IL1RAPL1: variants seen among roughly 807,000 people sequenced by gnomAD.
The protein encoded by IL1RAPL1 is interleukin-1 receptor accessory protein-like 1.
IL1RAPL1 carries 3 observed loss-of-function variants against 48.4 expected under a neutral mutation model. The observed-to-expected ratio is 0.06, with a 90% CI of 0.03 to 0.16. The LOEUF (loss-of-function observed/expected upper bound fraction) is 0.16, where lower values mean the gene tolerates loss of function less well. IL1RAPL1 is among the 10% of genes least tolerant of loss of function. The pLI is 1.00. For synonymous variants in IL1RAPL1, 185 were observed against 187.7 expected (o/e 0.99, Z 0.12); for missense variants, 349 against 530.6 (o/e 0.66, Z 3.36).
intron 2 of IL1RAPL1, among the ~76,000 whole-genome samples, chrX:29,071,671 A>G: frequency 9.0e-6 from 1 of 111,402 alleles, no homozygotes; most frequent in Non-Finnish European, 1.9e-5. Context: ...TAGCACAGAG[A>G]AGGAAAGTGT....
chrX:29,093,337 G>C (rs370657718), intron 2 of IL1RAPL1, among the ~76,000 whole-genome samples: 14 of 110,191 alleles, frequency 1.3e-4, no homozygotes, highest in African/African-American at 4.3e-4. Flanking sequence ...GCAGGAGGAG[G>C]GGGGTGGGAG....
intron 5 of IL1RAPL1, among the ~76,000 whole-genome samples, chrX:29,479,063 T>C (rs1051470087): frequency 1.8e-5 from 2 of 109,278 alleles, no homozygotes; most frequent in African/African-American, 6.7e-5. Context: ...CTCTCACTAA[T>C]GCATTCCTAG....
chrX:28,675,610 A>T (rs914803216), intron 1 of IL1RAPL1, among the ~76,000 whole-genome samples: 8 of 112,168 alleles, frequency 7.1e-5, no homozygotes, highest in African/African-American at 9.7e-5. Context: ...TACATTACAT[A>T]AAGCATAATA....
intron 2 of IL1RAPL1, among the ~76,000 whole-genome samples, chrX:29,006,371 G>A (rs766606956): frequency 9.1e-6 from 1 of 109,832 alleles, no homozygotes; most frequent in African/African-American, 3.3e-5. Context: ...AAAATTAGCC[G>A]GGCATGGTGG....
At chrX:29,632,498 G>A (rs1176562058) in intron 5 of IL1RAPL1, among the ~76,000 whole-genome samples, 1 of 111,553 alleles carries the variant, frequency 9.0e-6, no homozygotes, top group African/African-American at 3.3e-5. Context: ...GCTTCTGAGG[G>A]TGTATACTGA....
chrX:29,544,723 ATGTG>A lies in IL1RAPL1; in HGVS notation c.704-123683_704-123680del, dbSNP rs61595803. Among the ~76,000 whole-genome samples, 651 of 101,669 alleles carry A rather than the reference ATGTG, an allele frequency of 6.4e-3. 2 individuals are homozygous for A. Among genetic ancestry groups the A allele is most frequent in the African/African-American group, 0.018 (496 of 27,911 alleles). 88.3% of individuals were successfully genotyped at this position (101,669 alleles called of 115,157 possible). On this transcript the variant is annotated intron_variant, in intron 5 of 10. Coordinates refer to ENST00000378993, the MANE Select transcript of IL1RAPL1 (RefSeq NM_014271.4). ...ACTAGTGTTTTCAAATGTGGAGATG[ATGTG>A]TGTGTGTGTGTGTGTGTGTGTGTAT...
intron 2 of IL1RAPL1, among the ~76,000 whole-genome samples, chrX:28,922,684 GTTC>G (rs1238100317): frequency 2.7e-5 from 3 of 111,767 alleles, no homozygotes; most frequent in African/African-American, 9.8e-5. Context: ...AAGCGAATCA[GTTC>G]TTAAGAGCTG....
intron 2 of IL1RAPL1, among the ~76,000 whole-genome samples, chrX:29,149,759 A>G (rs936771892): frequency 8.9e-6 from 1 of 111,944 alleles, no homozygotes; most frequent in Non-Finnish European, 1.9e-5. Context: ...CTTACACTCA[A>G]TCCCAGAAGA....
chrX:28,933,264 A>G (rs1320507362), intron 2 of IL1RAPL1, among the ~76,000 whole-genome samples: 2 of 111,003 alleles, frequency 1.8e-5, no homozygotes, highest in Admixed American at 9.7e-5. Context: ...TAGACCTTGG[A>G]GGAGCAAGCT....
At chrX:29,452,973 G>A (rs1934697349) in intron 5 of IL1RAPL1, among the ~76,000 whole-genome samples, 2 of 92,720 alleles carry the variant, frequency 2.2e-5, no homozygotes, top group African/African-American at 4.2e-5. Context: ...CACCCATGCT[G>A]GAGTACACTG....
At chrX:29,587,949 T>C (rs1289437479) in intron 5 of IL1RAPL1, among the ~76,000 whole-genome samples, 1 of 112,394 alleles carries the variant, frequency 8.9e-6, no homozygotes, top group East Asian at 2.8e-4. Context: ...GTACATTTTG[T>C]TTTGTTTTAT....
At chrX:28,833,908 A>G (rs1440536247) in intron 2 of IL1RAPL1, among the ~76,000 whole-genome samples, 4 of 111,780 alleles carry the variant, frequency 3.6e-5, no homozygotes, top group Non-Finnish European at 5.6e-5. Context: ...TTCAAATATC[A>G]TTTTATAATT....
At chrX:29,921,326 A>G (rs1430589517) in intron 8 of IL1RAPL1, among the ~76,000 whole-genome samples, 2 of 112,290 alleles carry the variant, frequency 1.8e-5, no homozygotes, top group African/African-American at 6.5e-5. Flanking sequence ...GTTTAATCCT[A>G]GACTCTTTGA....
At chrX:29,932,820 G>A (rs912102584) in intron 8 of IL1RAPL1, among the ~76,000 whole-genome samples, 6 of 111,644 alleles carry the variant, frequency 5.4e-5, no homozygotes, top group African/African-American at 2.0e-4. Context: ...TCTGAAACTA[G>A]ACATGAGCAC....
At chrX:29,580,334 CCT>C (rs773463835) in intron 5 of IL1RAPL1, among the ~76,000 whole-genome samples, 1 of 109,629 alleles carries the variant, frequency 9.1e-6, no homozygotes, top group South Asian at 3.8e-4. Flanking sequence ...TTAATATTCC[CCT>C]CTCTCTCTCA....
Position 28,827,532 on chromosome X carries a change from T to A in IL1RAPL1, c.82+38107T>A, listed in dbSNP as rs756144125. The stretch of plus-strand genomic sequence containing the variant: ...TTTAATTCATAAAAAGAACCCCCAA[T>A]TGTCTTGATCTTTTTTCTAAAATTT... On this transcript the variant is annotated intron_variant, in intron 2 of 10. Transcript: ENST00000378993. Among the ~76,000 whole-genome samples the A allele has an allele frequency of 4.5e-5, 5 of 111,752 alleles. No individual in the cohort carries two copies. In the South Asian group the frequency reaches 1.5e-3, roughly 33 times the overall value.
At chrX:29,342,290 A>G (rs1478319545) in intron 3 of IL1RAPL1, among the ~76,000 whole-genome samples, 3 of 111,897 alleles carry the variant, frequency 2.7e-5, no homozygotes, top group African/African-American at 6.5e-5. Flanking sequence ...AGAATTTACT[A>G]TATTCCAGGA....
intron 2 of IL1RAPL1, among the ~76,000 whole-genome samples, chrX:29,034,963 T>TC (rs1926699736): frequency 9.1e-6 from 1 of 110,330 alleles, no homozygotes; most frequent in Admixed American, 9.7e-5. Context: ...CACACCATTC[T>TC]CCTGCTTCAG....
chrX:29,311,285 A>T (rs7054549), intron 3 of IL1RAPL1, among the ~76,000 whole-genome samples: 15,543 of 111,589 alleles, frequency 0.14, 1,244 homozygotes, highest in East Asian at 0.28. Flanking sequence ...TTCAGTCTAA[A>T]TGTAATCGAT....
Sources: gnomAD v4.1 joint callset for allele counts (sites outside exome capture counted in the v4.1 genomes callset) on GRCh38, gnomAD v4.1.1 for gene constraint, MANE v1.5 for transcripts, NCBI Gene and HGNC (gene_info 2026-07-23, HGNC 2026-07-21) for gene names.